Variants in HSPH1 observed in about 807,000 individuals in gnomAD.
HSPH1 encodes heat shock protein 105 kDa.
In HSPH1, 40 loss-of-function variants were observed where a neutral mutation model predicts 100.0. The observed-to-expected ratio is 0.40, with a 90% CI of 0.31 to 0.52. The LOEUF (loss-of-function observed/expected upper bound fraction) is 0.52, where lower values mean the gene tolerates loss of function less well. Among genes scored for constraint, HSPH1 ranks in the 20% least tolerant of loss-of-function variants. The pLI is 0.54. For synonymous variants in HSPH1, 403 were observed against 344.0 expected (o/e 1.17, Z -1.90); for missense variants, 876 against 1,015.1 (o/e 0.86, Z 1.86).
At chr13:31,140,142 C>T in intron 14 of HSPH1, 42 bp downstream of exon 14, 1 of 1,570,620 alleles carries the variant, frequency 6.4e-7, no homozygotes, top group Non-Finnish European at 8.7e-7. Flanking sequence ...TTAAACACTT[C>T]ATATGAGACT....
At position 31,145,550 on chromosome 13, in the gene HSPH1, T is replaced by C. The variant is rs1440308065; in HGVS notation, c.1584+13A>G. ...AACTCTATTCAAACACAAAGGTTTA[T>C]CCACAAACTTACATCAGTGTCTGGG... On this transcript the variant is annotated intron_variant, in intron 11 of 17. Coordinates refer to ENST00000320027, the MANE Select transcript of HSPH1 (RefSeq NM_006644.4). 1 of 1,606,150 alleles carries C rather than the reference T, an allele frequency of 6.2e-7. No individual in the cohort carries two copies. Among genetic ancestry groups the C allele is most frequent in the East Asian group, 2.2e-5 (1 of 44,844 alleles).
chr13:31,155,805 C>A (rs1301538184), intron 2 of HSPH1, 151 bp from the exon 3 acceptor site: 4 of 519,010 alleles, frequency 7.7e-6, no homozygotes, highest in Non-Finnish European at 1.3e-5. Context: ...ACTGAATTTC[C>A]CATCTATGAA....
chr13:31,145,204 T>G (rs902263970), intron 11 of HSPH1, among the ~76,000 whole-genome samples: 1 of 152,190 alleles, frequency 6.6e-6, no homozygotes, highest in Non-Finnish European at 1.5e-5. Context: ...TGGTAGCTAT[T>G]TCAAACAGTT....
At chr13:31,162,226 A>G (rs954457922), upstream of HSPH1, 10 of 821,422 alleles carry the variant, frequency 1.2e-5, no homozygotes, top group Non-Finnish European at 1.5e-5. Context: ...AATAGTCACA[A>G]TTTACTACCG....
intron 1 of HSPH1, among the ~76,000 whole-genome samples, chr13:31,160,143 ACT>A (rs1207498050): frequency 2.0e-5 from 3 of 152,096 alleles, no homozygotes; most frequent in African/African-American, 4.8e-5. Flanking sequence ...TTTTTTTCCC[ACT>A]CTCTTCTCTG....
At chr13:31,137,884 T>C (rs1955941462) in intron 17 of HSPH1, among the ~76,000 whole-genome samples, 1 of 152,178 alleles carries the variant, frequency 6.6e-6, no homozygotes, top group African/African-American at 2.4e-5. Flanking sequence ...AGTTTACAGC[T>C]TGAAACTGAC....
rs1956431996 is a variant in HSPH1, at chr13:31,150,182, C to T, written c.909G>A (p.Arg303=). Residue 303 remains arginine, a splice_region_variant and synonymous_variant, in exon 8 of 18, where the codon AGG becomes AGA. Transcript: ENST00000320027. Reference sequence around the variant, plus strand: ...CAGCACAGAGTTCTTCAAATTGTGACCTTAGCAAATAAAAACTTGTTTTTA... The same window carrying T: ...CAGCACAGAGTTCTTCAAATTGTGATCTTAGCAAATAAAAACTTGTTTTTA... ...NDKDVSGKMN[R]SQFEELCAEL... The T allele has an allele frequency of 1.3e-6, 2 of 1,561,050 alleles. No individual in the cohort carries two copies. The highest frequency in any genetic ancestry group is 2.8e-5 in the African/African-American group (2 of 72,682).
chr13:31,161,345 C>A, intron 1 of HSPH1, 131 bp downstream of exon 1: 2 of 1,460,876 alleles, frequency 1.4e-6, no homozygotes, highest in Non-Finnish European at 1.8e-6. Context: ...TCCCTAGTTC[C>A]ACGGAGGGGT....
In HSPH1 at chr13:31,151,677, C is replaced by A. The variant is rs771594568; in HGVS notation, c.595G>T (p.Val199Phe). ...PSLDEKPRIV[V>F]FVDMGHSAFQ... ...GCTGAATGTCCCATATCAACAAAAA[C>A]CACTATCCGAGGTTTCTCATCCAGG... The change falls in exon 6 of 18, where the codon GTT becomes TTT. Residue 199 changes from valine to phenylalanine, a missense_variant. Val to Phe is a conservative substitution (Grantham distance 50, BLOSUM62 -1). Transcript: ENST00000320027. 3 of 1,612,866 alleles carry A rather than the reference C, an allele frequency of 1.9e-6. No individual in the cohort carries two copies. Among genetic ancestry groups the A allele is most frequent in the Admixed American group, 1.7e-5 (1 of 59,810 alleles).
Position 31,161,372 on chromosome 13 carries a change from G to A in HSPH1, c.107+104C>T, listed in dbSNP as rs192355813. The A allele has an allele frequency of 2.1e-4, 310 of 1,511,582 alleles. No individual in the cohort carries two copies. The African/African-American group carries it at 3.7e-3, about 18-fold the overall frequency. The allele number at this position is 1,511,582 out of a possible 1,614,324, so 93.6% of individuals were successfully genotyped here. ...CGGAGGGGTGCGCCGCTGCCCAAAC[G>A]CCTCCGTTTGCCGCGGTGATCCGTA... On this transcript the variant is annotated intron_variant, in intron 1 of 17. Coordinates refer to ENST00000320027, the MANE Select transcript of HSPH1 (RefSeq NM_006644.4).
chr13:31,136,987 T>C lies in HSPH1; in HGVS notation c.*331A>G. 2.6e-6 allele frequency: 1 copy of C among 385,694 alleles called. No homozygotes were observed. The highest frequency in any genetic ancestry group is 5.1e-6 in the Non-Finnish European group (1 of 197,274). 23.9% of individuals were successfully genotyped at this position (385,694 alleles called of 1,614,324 possible). ...TGGCAGGAACAAATGCTTAAAGATT[T>C]TAATCACAGCCCTCTTGAACAAGCA... On this transcript the variant is annotated 3_prime_UTR_variant, in exon 18 of 18. Transcript: ENST00000320027.
chr13:31,161,036 C>G (rs750218429), intron 1 of HSPH1, among the ~76,000 whole-genome samples: 9 of 152,188 alleles, frequency 5.9e-5, no homozygotes, highest in Non-Finnish European at 7.3e-5. Flanking sequence ...AAGATATGCG[C>G]GAAGGGAGGA....
rs374106238 is a variant in HSPH1 at position 31,150,931 on chromosome 13, A to G, written c.908+16T>C. ...AAGAAGTTCCATCTATTTAATCTGT[A>G]GAATTCAAGACACACCTGTTCATCT... On this transcript the variant is annotated intron_variant, in intron 7 of 17. Coordinates refer to ENST00000320027, the MANE Select transcript of HSPH1 (RefSeq NM_006644.4). 2.5e-6 allele frequency: 4 copies of G among 1,599,084 alleles called. No individual in the cohort carries two copies. In the African/African-American group the frequency reaches 4.1e-5, roughly 16 times the overall value.
At chr13:31,139,263 T>G in intron 14 of HSPH1, 156 bp from the exon 15 acceptor site, 1 of 587,280 alleles carries the variant, frequency 1.7e-6, no homozygotes, top group East Asian at 2.8e-5. Context: ...TGAAAATGGC[T>G]CTCATTGACT....
chr13:31,150,164 G>C lies in HSPH1; in HGVS notation c.927C>G (p.Leu309=). 6.3e-7 allele frequency: 1 copy of C among 1,591,678 alleles called. No individual in the cohort carries two copies. The highest frequency in any genetic ancestry group is 8.6e-7 in the Non-Finnish European group (1 of 1,166,650). The stretch of plus-strand genomic sequence containing the variant: ...CTATCTTTTGCAGAAGTTCAGCACA[G>C]AGTTCTTCAAATTGTGACCTTAGCA... ...GKMNRSQFEE[L]CAELLQKIEV... is the part of the protein sequence containing the mutation. Residue 309 remains leucine (L), a synonymous_variant, in exon 8 of 18, where the codon CTC becomes CTG. Coordinates refer to ENST00000320027, the MANE Select transcript of HSPH1 (RefSeq NM_006644.4).
Position 31,161,595 on chromosome 13 carries a change from G to C in HSPH1, c.-13C>G, listed in dbSNP as rs768839633. The C allele has an allele frequency of 5.0e-6, 8 of 1,611,454 alleles. No individual in the cohort carries two copies. The highest frequency in any genetic ancestry group is 2.2e-5 in the East Asian group (1 of 44,860). On this transcript the variant is annotated 5_prime_UTR_variant, in exon 1 of 18. Transcript: ENST00000320027. ...CCACCACCGACATGGCCGGCTCGCG[G>C]TCCGCCTCCGCCTCGGGTCTCGGTC...
chr13:31,151,077 T>A lies in HSPH1; in HGVS notation c.778A>T (p.Ile260Leu). ...TGATACAGACGTAGGAGTGCTCGTA[T>A]TTTGGATTTTGCATCCAACTTGTAC... ...TKYKLDAKSK[I>L]RALLRLYQEC... Residue 260 changes from isoleucine (I) to leucine (L), a missense_variant, in exon 7 of 18, where the codon ATA (isoleucine) becomes TTA (leucine). By Grantham distance (5) the Ile-to-Leu change is conservative. Coordinates refer to ENST00000320027, the MANE Select transcript of HSPH1 (RefSeq NM_006644.4). The A allele has an allele frequency of 6.2e-7, 1 of 1,613,850 alleles. No individual in the cohort carries two copies. The highest frequency in any genetic ancestry group is 8.5e-7 in the Non-Finnish European group (1 of 1,179,812).
In HSPH1 at chr13:31,161,719, A is replaced by G. The variant is rs1037431504; in HGVS notation, c.-137T>C. The G allele has an allele frequency of 2.0e-6, 3 of 1,535,648 alleles. No individual in the cohort carries two copies. In the African/African-American group the frequency reaches 4.1e-5, roughly 21 times the overall value. On this transcript the variant is annotated 5_prime_UTR_variant, in exon 1 of 18. Coordinates refer to ENST00000320027, the MANE Select transcript of HSPH1 (RefSeq NM_006644.4). ...GGGTCTGGCCGTTCCTCTGACACTC[A>G]GAAGGACACACAGACAGCCGCGGCC...
At position 31,138,397 on chromosome 13, in the gene HSPH1, T is replaced by C; in HGVS notation, c.2370+10A>G. 6.2e-7 allele frequency: 1 copy of C among 1,612,108 alleles called. No individual in the cohort carries two copies. Among genetic ancestry groups the C allele is most frequent in the African/African-American group, 1.3e-5 (1 of 74,930 alleles). Reference sequence around the variant, plus strand: ...GAACCCAGCAGTAAACACGAGACAGTAACACTCACCTTGATTTTTGTTTTA... The same window carrying C: ...GAACCCAGCAGTAAACACGAGACAGCAACACTCACCTTGATTTTTGTTTTA... On this transcript the variant is annotated intron_variant, in intron 17 of 17. Transcript: ENST00000320027.
Sources: gnomAD v4.1 joint callset for allele counts (sites outside exome capture counted in the v4.1 genomes callset) on GRCh38, gnomAD v4.1.1 for gene constraint, MANE v1.5 for transcripts, NCBI Gene and HGNC (gene_info 2026-07-23, HGNC 2026-07-21) for gene names.